Variants in SLC66A2 observed in about 807,000 individuals in gnomAD.
The protein encoded by SLC66A2 is solute carrier family 66 member 2.
In SLC66A2, 23 loss-of-function variants were observed where a neutral mutation model predicts 25.5. The observed-to-expected ratio is 0.90, with a 90% confidence interval of 0.65 to 1.28. The LOEUF is 1.28. Ranked by LOEUF, SLC66A2 falls within the 50% of genes most tolerant of loss-of-function variation. The pLI, the probability that SLC66A2 is intolerant of heterozygous loss-of-function variation, is 0.00. For missense variants in SLC66A2, 396 were observed against 373.1 expected, an observed-to-expected ratio of 1.06 and a Z score of -0.51; for synonymous variants, 193 against 166.5, an observed-to-expected ratio of 1.16 and a Z score of -1.23.
At chr18:79,911,019 A>G (rs1983032571) in intron 5 of SLC66A2, among the ~76,000 whole-genome samples, 1 of 152,268 alleles carries the variant, frequency 6.6e-6, no homozygotes, top group Non-Finnish European at 1.5e-5. Context: ...TAAGAGGCTC[A>G]CTGCAGCACC....
At chr18:79,919,552 G>T (rs1293829271) in intron 4 of SLC66A2, 152 bp from the exon 5 acceptor site, 1 of 331,302 alleles carries the variant, frequency 3.0e-6, no homozygotes, top group African/African-American at 3.5e-5. Flanking sequence ...GGAGAGACAG[G>T]AACCGAGGGA....
chr18:79,926,356 T>C (rs962257222), intron 4 of SLC66A2, among the ~76,000 whole-genome samples: 1 of 152,070 alleles, frequency 6.6e-6, no homozygotes, highest in African/African-American at 2.4e-5. Flanking sequence ...TTTCCAGTAA[T>C]AAACATGAGA....
chr18:79,928,441 A>T (rs1425880086), intron 4 of SLC66A2, among the ~76,000 whole-genome samples: 1 of 152,236 alleles, frequency 6.6e-6, no homozygotes, highest in Admixed American at 6.5e-5. Flanking sequence ...CAGAAACAAC[A>T]GAGGCAGTAG....
rs1426484720 is a variant in SLC66A2, at chr18:79,904,501, G to A, written c.609-318C>T. On this transcript the variant is annotated intron_variant, in intron 5 of 5. Coordinates refer to ENST00000397778, the MANE Select transcript of SLC66A2 (RefSeq NM_025078.5). This position sits in a 1 kb window ranked among gnomAD's most constrained non-coding sequence, Gnocchi z 6.3. The stretch of plus-strand genomic sequence containing the variant: ...CCGCAAGAGCTGCCGCCTGGCTGGG[G>A]CTCTGCAAGCCCAAGAACAGTGAGA... Among the ~76,000 whole-genome samples the A allele has an allele frequency of 1.3e-5, 2 of 152,118 alleles. No individual in the cohort carries two copies. The highest frequency in any genetic ancestry group is 2.9e-5 in the Non-Finnish European group (2 of 67,998).
chr18:79,913,703 T>A (rs561257017), intron 5 of SLC66A2, among the ~76,000 whole-genome samples: 3 of 152,152 alleles, frequency 2.0e-5, no homozygotes, highest in Non-Finnish European at 4.4e-5. Flanking sequence ...TGCTACGAGA[T>A]CAACTCGGGA....
chr18:79,912,301 T>C (rs115132739), intron 5 of SLC66A2, among the ~76,000 whole-genome samples: 4,531 of 152,172 alleles, frequency 0.03, 247 homozygotes, highest in African/African-American at 0.1. Flanking sequence ...TGAGTGTCCA[T>C]CACATGTAAC....
chr18:79,931,035 ATTGTAAGCC>A (rs1986521285), intron 4 of SLC66A2, among the ~76,000 whole-genome samples: 1 of 152,266 alleles, frequency 6.6e-6, no homozygotes, highest in South Asian at 2.1e-4. Flanking sequence ...TAAGATGAAT[ATTGTAAGCC>A]TTCAAGTAAC....
intron 5 of SLC66A2, chr18:79,915,614 C>A (rs1983889581): frequency 6.6e-6 from 1 of 152,232 alleles, no homozygotes; most frequent in Non-Finnish European, 1.5e-5. Context: ...CTGCCCGGCC[C>A]TCCCGGCAGG....
intron 4 of SLC66A2, among the ~76,000 whole-genome samples, chr18:79,923,178 G>T: frequency 6.9e-6 from 1 of 145,736 alleles, no homozygotes; most frequent in South Asian, 2.3e-4. Context: ...AGTGAGGGGG[G>T]CTGAGCAGGA....
In SLC66A2 at chr18:79,948,530, G is replaced by A. The variant is rs149289977; in HGVS notation, c.203+2194C>T. Reference sequence around the variant, plus strand: ...TAATGTTTCAATTTTTTGTAGAGACGGTGTCTTGCTGTGTTGCGTTGGTTG... The same window carrying A: ...TAATGTTTCAATTTTTTGTAGAGACAGTGTCTTGCTGTGTTGCGTTGGTTG... On this transcript the variant is annotated intron_variant, in intron 2 of 5. Coordinates refer to ENST00000397778, the MANE Select transcript of SLC66A2 (RefSeq NM_025078.5). 8.9e-4 allele frequency among the ~76,000 whole-genome samples: 135 copies of A among 152,134 alleles called. 1 individual carries two copies. In the Middle Eastern group the frequency reaches 0.01, roughly 11 times the overall value.
chr18:79,910,534 C>G (rs575292182), intron 5 of SLC66A2, among the ~76,000 whole-genome samples: 2 of 152,222 alleles, frequency 1.3e-5, no homozygotes, highest in South Asian at 2.1e-4. Context: ...CTAGTTCACT[C>G]TCTTCTAAAT....
intron 2 of SLC66A2, among the ~76,000 whole-genome samples, chr18:79,948,180 C>T (rs1375326568): frequency 1.3e-5 from 2 of 152,172 alleles, no homozygotes; most frequent in Non-Finnish European, 2.9e-5. Context: ...CCCTGTGCTC[C>T]ACAAAGAAAG....
intron 5 of SLC66A2, among the ~76,000 whole-genome samples, chr18:79,912,422 G>A (rs1287557398): frequency 1.3e-5 from 2 of 152,140 alleles, no homozygotes; most frequent in African/African-American, 2.4e-5. Flanking sequence ...GGAAAGAAAC[G>A]CTGACCCCTT....
At chr18:79,928,185 A>G (rs912640576) in intron 4 of SLC66A2, among the ~76,000 whole-genome samples, 10 of 152,368 alleles carry the variant, frequency 6.6e-5, no homozygotes, top group African/African-American at 2.2e-4. Flanking sequence ...CAGCCCAGAA[A>G]GGCCCCAGCC....
rs755190661 is a variant in SLC66A2 at position 79,904,098 on chromosome 18, C to T, written c.694G>A (p.Val232Met). 19 of 1,612,754 alleles carry T rather than the reference C, an allele frequency of 1.2e-5. No individual in the cohort carries two copies. Among genetic ancestry groups the T allele is most frequent in the African/African-American group, 9.3e-5 (7 of 74,890 alleles). Residue 232 changes from valine to methionine, a missense_variant, in exon 6 of 6, where the codon GTG (valine) becomes ATG (methionine). Transcript: ENST00000397778. This position sits in a 1 kb window ranked among gnomAD's most constrained non-coding sequence, Gnocchi z 6.3. ...LLKGAPLQFSVCGLLQVLVDL... is the reference protein window; with the variant it reads ...LLKGAPLQFSMCGLLQVLVDL... Reference sequence around the variant, plus strand: ...ACCAGCACCTGCAGCAGGCCGCACACGGAGAACTGCAGAGGGGCACCCTTC... The same window carrying T: ...ACCAGCACCTGCAGCAGGCCGCACATGGAGAACTGCAGAGGGGCACCCTTC...
chr18:79,945,335 G>A (rs2050890334), intron 2 of SLC66A2: 1 of 152,460 alleles, frequency 6.6e-6, no homozygotes, highest in Non-Finnish European at 1.5e-5. Flanking sequence ...GGGAAGGGCA[G>A]AGAAAACAGT....
chr18:79,951,066 G>A lies in SLC66A2; in HGVS notation c.-99-41C>T. ...AGCTGCTCGAGTTCCGCCCAGGGAGGCTGGGGCGGCGCGCACGGACCCGAC... is the reference window on the plus strand; with the variant it reads ...AGCTGCTCGAGTTCCGCCCAGGGAGACTGGGGCGGCGCGCACGGACCCGAC... On this transcript the variant is annotated intron_variant, in intron 1 of 5. Transcript: ENST00000397778. 5.4e-6 allele frequency: 3 copies of A among 555,992 alleles called. No individual in the cohort carries two copies. The South Asian group carries it at 1.8e-4, about 33-fold the overall frequency. 34.4% of individuals were successfully genotyped at this position (555,992 alleles called of 1,614,324 possible). A position where few individuals can be genotyped will look rare whatever the true frequency, so the allele number is the denominator to read the frequency against.
Position 79,904,300 on chromosome 18 carries a change from G to T in SLC66A2, c.609-117C>A. On this transcript the variant is annotated intron_variant, in intron 5 of 5. Transcript: ENST00000397778. This position sits in a 1 kb window ranked among gnomAD's most constrained non-coding sequence, Gnocchi z 6.3. ...CCTGGGGCTCAGGGGCACCCAGGGGGCTAAGGGGACCCCCAGGCAGTCGGC... is the reference window on the plus strand; with the variant it reads ...CCTGGGGCTCAGGGGCACCCAGGGGTCTAAGGGGACCCCCAGGCAGTCGGC... 1 of 919,688 alleles carries T rather than the reference G, an allele frequency of 1.1e-6. No homozygotes were observed. The highest frequency in any genetic ancestry group is 1.7e-6 in the Non-Finnish European group (1 of 584,848). The allele number at this position is 919,688 out of a possible 1,614,324, so 57.0% of individuals were successfully genotyped here. A position where few individuals can be genotyped will look rare whatever the true frequency, so the allele number is the denominator to read the frequency against.
Position 79,946,111 on chromosome 18 carries a change from G to T in SLC66A2, c.204-2649C>A, listed in dbSNP as rs931634941. ...AGGAGGCGGGTGAATCAAGGTTTGA[G>T]CTTCCCCATAATCCACACATCAAAA... On this transcript the variant is annotated intron_variant, in intron 2 of 5. Coordinates refer to ENST00000397778, the MANE Select transcript of SLC66A2 (RefSeq NM_025078.5). 7.2e-5 allele frequency among the ~76,000 whole-genome samples: 11 copies of T among 152,202 alleles called. No individual in the cohort carries two copies. In the East Asian group the frequency reaches 1.9e-3, roughly 27 times the overall value.
Sources: allele counts gnomAD v4.1 joint callset (sites outside exome capture counted in the v4.1 genomes callset), GRCh38; gene constraint gnomAD v4.1.1; non-coding constraint Gnocchi (gnomAD v3.1); transcripts MANE v1.5; gene names NCBI Gene and HGNC (gene_info 2026-07-23, HGNC 2026-07-21).